Variants in CDH4 observed in about 807,000 individuals in gnomAD.
CDH4 encodes cadherin 4, also known as cadherin-4.
CDH4 carries 33 observed loss-of-function variants against 86.0 expected under a neutral mutation model. The observed-to-expected ratio is 0.38, with a 90% CI of 0.29 to 0.51. CDH4 has a LOEUF of 0.51. Among genes scored for constraint, CDH4 ranks in the 20% least tolerant of loss-of-function variants. The probability of loss-of-function intolerance (pLI) is 0.86; values close to 1 mark genes in which losing one functional copy is unlikely to be tolerated. For missense variants in CDH4, 1,114 were observed against 1,307.4 expected, an observed-to-expected ratio of 0.85 and a Z score of 2.28; for synonymous variants, 555 against 549.4, an observed-to-expected ratio of 1.01 and a Z score of -0.14.
Position 61,258,394 on chromosome 20 carries a change from G to A in CDH4, c.169+3457G>A, listed in dbSNP as rs76542456. On this transcript the variant is annotated intron_variant, in intron 2 of 15. Coordinates refer to ENST00000614565, the MANE Select transcript of CDH4 (RefSeq NM_001794.5). ...CATGTTTCTAATGACTTAACGTGAC[G>A]TCCTCAGCAAAGCCTTGCCTCTCCC... Among the ~76,000 whole-genome samples the A allele has an allele frequency of 0.017, 2,441 of 146,228 alleles. 118 individuals are homozygous for A. In the East Asian group the frequency reaches 0.18, roughly 11 times the overall value.
At chr20:61,634,527 G>A (rs1469928273) in intron 2 of CDH4, among the ~76,000 whole-genome samples, 2 of 152,156 alleles carry the variant, frequency 1.3e-5, no homozygotes, top group African/African-American at 2.4e-5. Flanking sequence ...ACCCCCACCT[G>A]GATCATTGGG....
intron 2 of CDH4, among the ~76,000 whole-genome samples, chr20:61,433,359 C>T (rs534554335): frequency 2.6e-5 from 4 of 152,240 alleles, no homozygotes; most frequent in African/African-American, 7.2e-5. Flanking sequence ...TTCCTTCTGT[C>T]GACACCACCC....
chr20:61,932,115 C>T (rs1470402553), intron 13 of CDH4, among the ~76,000 whole-genome samples: 2 of 152,160 alleles, frequency 1.3e-5, no homozygotes, highest in African/African-American at 2.4e-5. Context: ...TGATTCCTAC[C>T]AAGACACTGT....
chr20:61,538,562 C>G (rs978110251), intron 2 of CDH4, among the ~76,000 whole-genome samples: 8 of 152,206 alleles, frequency 5.3e-5, no homozygotes, highest in African/African-American at 1.9e-4. Flanking sequence ...CCGCCTGTCC[C>G]TGCTGGTGCC....
In CDH4 at chr20:61,895,046, C is replaced by T. The variant is rs373483932; in HGVS notation, c.1187C>T (p.Thr396Met). The change falls in exon 8 of 16, where the codon ACG becomes ATG. Residue 396 changes from threonine (T) to methionine (M), a missense_variant and splice_region_variant. Physicochemically the swap from Thr to Met is moderately conservative, Grantham distance 81 (BLOSUM62 -1). Transcript: ENST00000614565. ...AACCCGCCAGAATTTACCGCCAGCA[C>T]GGTGAGTCCCTCGAAGCTGCCCAGT... ...NDNPPEFTAS[T>M]FAGEVPENRV... 3.7e-5 allele frequency: 60 copies of T among 1,613,376 alleles called. No homozygotes were observed. Among genetic ancestry groups the T allele is most frequent in the Admixed American group, 2.8e-4 (17 of 59,994 alleles).
chr20:61,588,920 G>A (rs890442369), intron 2 of CDH4, among the ~76,000 whole-genome samples: 3 of 152,282 alleles, frequency 2.0e-5, no homozygotes, highest in African/African-American at 7.2e-5. Flanking sequence ...CTTCTGTACC[G>A]CTCCGAGCGC....
At chr20:61,515,529 T>C (rs2085812362) in intron 2 of CDH4, among the ~76,000 whole-genome samples, 1 of 152,228 alleles carries the variant, frequency 6.6e-6, no homozygotes, top group Admixed American at 6.5e-5. Context: ...AAAAGCTGCC[T>C]GTTGGGAGTC....
chr20:61,777,299 T>C (rs566743263), intron 4 of CDH4, among the ~76,000 whole-genome samples: 2 of 152,206 alleles, frequency 1.3e-5, no homozygotes, highest in Non-Finnish European at 2.9e-5. Flanking sequence ...GTGGTGACTG[T>C]TGTGCTGGGC....
chr20:61,359,347 C>T (rs1000359211), intron 2 of CDH4, among the ~76,000 whole-genome samples: 9 of 152,160 alleles, frequency 5.9e-5, no homozygotes, highest in African/African-American at 2.2e-4. Context: ...CGCCTGTGTG[C>T]GTGCTCTCCA....
At chr20:61,270,265 G>T (rs747273616) in intron 2 of CDH4, among the ~76,000 whole-genome samples, 1 of 152,240 alleles carries the variant, frequency 6.6e-6, no homozygotes, top group Non-Finnish European at 1.5e-5. Context: ...TGCTTGGGCA[G>T]CGATGAACTG....
intron 2 of CDH4, among the ~76,000 whole-genome samples, chr20:61,642,597 A>C (rs1361690355): frequency 6.6e-6 from 1 of 152,018 alleles, no homozygotes; most frequent in Non-Finnish European, 1.5e-5. Flanking sequence ...ATCCTTAAGA[A>C]TCCCCCAATG....
At chr20:61,294,420 G>A (rs1419896492) in intron 2 of CDH4, among the ~76,000 whole-genome samples, 4 of 152,194 alleles carry the variant, frequency 2.6e-5, no homozygotes, top group South Asian at 2.1e-4. Flanking sequence ...AGATCCCCCC[G>A]GGGCAGGGCC....
At chr20:61,565,221 T>TGGTGGTCCTCTTGGTG (rs1414076004) in intron 2 of CDH4, among the ~76,000 whole-genome samples, 2 of 40,548 alleles carry the variant, frequency 4.9e-5, no homozygotes, top group Admixed American at 1.9e-4. Context: ...CTCTCGGTGG[T>TGGTGGTCCTCTTGGTG]AGGTGGTGGT....
intron 4 of CDH4, among the ~76,000 whole-genome samples, chr20:61,788,137 TG>T (rs1978981618): frequency 1.3e-5 from 2 of 152,040 alleles, no homozygotes; most frequent in Non-Finnish European, 2.9e-5. Flanking sequence ...AGGCCAGGGG[TG>T]TTGTTTTAAT....
intron 2 of CDH4, among the ~76,000 whole-genome samples, chr20:61,440,868 C>T (rs890407318): frequency 1.4e-4 from 22 of 152,342 alleles, no homozygotes; most frequent in Admixed American, 9.8e-4. Flanking sequence ...CTAAATGCCA[C>T]TGCCCTCGCG....
chr20:61,686,717 G>C (rs890902555), intron 2 of CDH4, among the ~76,000 whole-genome samples: 2 of 151,434 alleles, frequency 1.3e-5, no homozygotes, highest in Non-Finnish European at 2.9e-5. Context: ...GTGCATTCCC[G>C]TGTGTGTGCC....
intron 9 of CDH4, among the ~76,000 whole-genome samples, chr20:61,917,657 C>T (rs972711671): frequency 5.3e-5 from 8 of 152,294 alleles, no homozygotes; most frequent in African/African-American, 7.2e-5. Flanking sequence ...CTGCCCACTC[C>T]GCCCAGCCGG....
intron 2 of CDH4, among the ~76,000 whole-genome samples, chr20:61,637,887 G>T (rs138271432): frequency 6.6e-6 from 1 of 152,292 alleles, no homozygotes; most frequent in East Asian, 1.9e-4. Context: ...CGGACATGGT[G>T]GTGGGTGCCT....
At chr20:61,292,575 C>T (rs2084328685) in intron 2 of CDH4, among the ~76,000 whole-genome samples, 2 of 152,174 alleles carry the variant, frequency 1.3e-5, no homozygotes, top group South Asian at 2.1e-4. Context: ...CTGGAGCTGC[C>T]GCAGAAGGTG....
Sources: gnomAD v4.1 joint callset for allele counts (sites outside exome capture counted in the v4.1 genomes callset) on GRCh38, gnomAD v4.1.1 for gene constraint, MANE v1.5 for transcripts, NCBI Gene and HGNC (gene_info 2026-07-23, HGNC 2026-07-21) for gene names.